The following ITPR3 variants were observed in gnomAD, a reference collection of about 807,000 sequenced individuals.
The protein encoded by ITPR3 is inositol 1,4,5-trisphosphate-gated calcium channel ITPR3.
ITPR3 carries 173 observed loss-of-function variants against 293.2 expected under a neutral mutation model. The ratio of observed to expected loss-of-function variants is 0.59; its 90% confidence interval spans 0.52 to 0.67. The LOEUF (loss-of-function observed/expected upper bound fraction) is 0.67. Ranked by LOEUF, ITPR3 falls within the 30% of genes least tolerant of loss-of-function variation. ITPR3 has a pLI of 0.00. For missense variants in ITPR3, 2,796 were observed against 3,592.1 expected (o/e 0.78, Z 5.66); for synonymous variants, 1,295 against 1,444.4 (o/e 0.90, Z 2.35).
Position 33,684,789 on chromosome 6 carries a change from G to T in ITPR3, c.5153G>T (p.Trp1718Leu). The T allele has an allele frequency of 1.9e-6, 3 of 1,612,260 alleles. No individual in the cohort carries two copies. Among genetic ancestry groups the T allele is most frequent in the Non-Finnish European group, 2.5e-6 (3 of 1,178,840 alleles). ...DPIGTGLDPD[W>L]SAIAATQCRL... The stretch of plus-strand genomic sequence containing the variant: ...CCGCCTCCAGGCCTGGACCCAGACT[G>T]GTCGGCAATCGCAGCCACCCAGTGC... The change falls in exon 39 of 58, where the codon TGG becomes TTG. Residue 1718 changes from tryptophan to leucine, a missense_variant. Around this residue, in one of 8 missense-constraint regions of ITPR3, gnomAD observed 704 missense variants for 797.5 expected, o/e 0.88. Transcript: ENST00000605930. The surrounding 1 kb of genome is among the most constrained non-coding windows in gnomAD (Gnocchi z 4.2).
Position 33,670,473 on chromosome 6 carries a change from C to T in ITPR3, c.2338C>T (p.Leu780=), listed in dbSNP as rs756001286. The change falls in exon 19 of 58, where the codon CTG becomes TTG. Residue 780 remains leucine, a synonymous_variant. Transcript: ENST00000605930. The surrounding 1 kb of genome is among the most constrained non-coding windows in gnomAD (Gnocchi z 6.7). ...TGACCTGCGCGCCTCCTTCTGCCAC[C>T]TGATGCTGCACGTGCACGTGGACCG... ...PFDLRASFCH[L]MLHVHVDRDP... is the part of the protein sequence containing the mutation. 3 of 1,614,024 alleles carry T rather than the reference C, an allele frequency of 1.9e-6. No individual in the cohort carries two copies. In the South Asian group the frequency reaches 3.3e-5, roughly 18 times the overall value.
At chr6:33,629,893 C>G (rs1362835963) in intron 1 of ITPR3, among the ~76,000 whole-genome samples, 1 of 151,870 alleles carries the variant, frequency 6.6e-6, no homozygotes, top group African/African-American at 2.4e-5. Context: ...GAGATCAAGA[C>G]CATCCTGGCC....
At chr6:33,631,748 G>A (rs1040475576) in intron 1 of ITPR3, among the ~76,000 whole-genome samples, 9 of 152,090 alleles carry the variant, frequency 5.9e-5, no homozygotes, top group Non-Finnish European at 1.0e-4. Context: ...ACTCCCTTTC[G>A]CGGTCTGCTA....
In ITPR3 at chr6:33,663,743, A is replaced by T; in HGVS notation, c.1011A>T (p.Ala337=). ...GATTTGGGGTCCTCATCCAGGGGGC[A>T]CAGGGCCGCACAGGCCGCAGGAATG... ...ASDPKAAGMG[A]QGRTGRRNAG... Residue 337 remains alanine, a synonymous_variant, in exon 11 of 58, where the codon GCA becomes GCT. Coordinates refer to ENST00000605930, the MANE Select transcript of ITPR3 (RefSeq NM_002224.4). 6.2e-7 allele frequency: 1 copy of T among 1,613,902 alleles called. No homozygotes were observed. The highest frequency in any genetic ancestry group is 8.5e-7 in the Non-Finnish European group (1 of 1,179,972).
At chr6:33,681,081 A>G (rs1765063557) in intron 33 of ITPR3, among the ~76,000 whole-genome samples, 1 of 152,182 alleles carries the variant, frequency 6.6e-6, no homozygotes, top group South Asian at 2.1e-4. Context: ...GGCTTCCCAA[A>G]GTGCTGGGAT....
intron 33 of ITPR3, 151 bp downstream of exon 33, chr6:33,680,831 T>C: frequency 1.9e-6 from 2 of 1,069,332 alleles, no homozygotes; most frequent in Non-Finnish European, 1.3e-6. Flanking sequence ...TTTTTTTTTT[T>C]TTTTTTTGAG....
At position 33,679,253 on chromosome 6, in the gene ITPR3, G is replaced by A. The variant is rs116785156; in HGVS notation, c.3972+414G>A. 4.3e-3 allele frequency among the ~76,000 whole-genome samples: 660 copies of A among 152,268 alleles called. 4 individuals carry two copies. The highest frequency in any genetic ancestry group is 0.015 in the African/African-American group (633 of 41,548). On this transcript the variant is annotated intron_variant, in intron 30 of 57. Transcript: ENST00000605930. This position sits in a 1 kb window ranked among gnomAD's most constrained non-coding sequence, Gnocchi z 4.2. The stretch of plus-strand genomic sequence containing the variant: ...CCCATCCTTTGTGTGCATCGCCAGG[G>A]CCCCAGTGTGTGGCGCATAGTAGGT...
At position 33,636,899 on chromosome 6, in the gene ITPR3, G is replaced by A. The variant is rs560320211; in HGVS notation, c.90-3585G>A. Among the ~76,000 whole-genome samples the A allele has an allele frequency of 1.6e-3, 237 of 152,230 alleles. 1 individual carries two copies. Among genetic ancestry groups the A allele is most frequent in the Non-Finnish European group, 3.0e-3 (202 of 68,028 alleles). On this transcript the variant is annotated intron_variant, in intron 1 of 57. Transcript: ENST00000605930. ...AGGTGCTGGAGGCCGGGAGAGAAAAGGAGACAGAGGACCCTCTGCCGTCCC... is the reference window on the plus strand; with the variant it reads ...AGGTGCTGGAGGCCGGGAGAGAAAAAGAGACAGAGGACCCTCTGCCGTCCC...
Position 33,672,920 on chromosome 6 carries a change from T to A in ITPR3, c.2929-671T>A, listed in dbSNP as rs1764807531. Among the ~76,000 whole-genome samples, 1 of 152,134 alleles carries A rather than the reference T, an allele frequency of 6.6e-6. No homozygotes were observed. Among genetic ancestry groups the A allele is most frequent in the Non-Finnish European group, 1.5e-5 (1 of 68,016 alleles). On this transcript the variant is annotated intron_variant, in intron 22 of 57. Transcript: ENST00000605930. This position sits in a 1 kb window ranked among gnomAD's most constrained non-coding sequence, Gnocchi z 5.0. ...GAAGGGGCTCATCCCCGAGGAGGGA[T>A]GAGGATGCTTGCTTTTGCCTTGCTG...
intron 18 of ITPR3, among the ~76,000 whole-genome samples, 196 bp downstream of exon 18, chr6:33,669,352 C>T (rs1474276944): frequency 6.6e-6 from 1 of 152,230 alleles, no homozygotes; most frequent in Non-Finnish European, 1.5e-5. Flanking sequence ...GGACTGTGTG[C>T]CCCGAATAGC....
chr6:33,663,375 C>A (rs527881660), intron 9 of ITPR3, 125 bp from the exon 10 acceptor site: 1 of 775,328 alleles, frequency 1.3e-6, no homozygotes, highest in Non-Finnish European at 2.1e-6. Flanking sequence ...ATATGGGCAC[C>A]CCTGGGAGGG....
chr6:33,661,225 T>A (rs1240781370), intron 7 of ITPR3, among the ~76,000 whole-genome samples: 1 of 152,244 alleles, frequency 6.6e-6, no homozygotes, highest in Admixed American at 6.5e-5. Flanking sequence ...AGGTGTTCAC[T>A]GAATGCTTTG....
chr6:33,651,993 G>T (rs79603343), intron 2 of ITPR3, among the ~76,000 whole-genome samples: 3,242 of 152,202 alleles, frequency 0.021, 117 homozygotes, highest in African/African-American at 0.071. Flanking sequence ...ACTAGGGTTC[G>T]AAGGGGCTGG....
In ITPR3 at chr6:33,678,852, C is replaced by CT; in HGVS notation, c.3972+14dup. On this transcript the variant is annotated intron_variant, in intron 30 of 57. Transcript: ENST00000605930. ...GATCATGACTGAGGTGAGGGCGGGG[C>CT]TGAGGGGTGCTCAGGCATCTTGGGG... 2 of 1,607,366 alleles carry CT rather than the reference C, an allele frequency of 1.2e-6. No individual in the cohort carries two copies. The highest frequency in any genetic ancestry group is 1.7e-6 in the Non-Finnish European group (2 of 1,176,878).
rs1561877473 is a variant in ITPR3, at chr6:33,683,164, G to C, written c.4598-43G>C. Reference sequence around the variant, plus strand: ...AGCCTGGCCTCTGGCTGGCTGAACTGCCCCCGCACCAGCACTCCAGCACTC... The same window carrying C: ...AGCCTGGCCTCTGGCTGGCTGAACTCCCCCCGCACCAGCACTCCAGCACTC... On this transcript the variant is annotated intron_variant, in intron 34 of 57. Transcript: ENST00000605930. The surrounding 1 kb of genome is among the most constrained non-coding windows in gnomAD (Gnocchi z 4.5). 1 of 1,425,534 alleles carries C rather than the reference G, an allele frequency of 7.0e-7. No individual in the cohort carries two copies. Among genetic ancestry groups the C allele is most frequent in the Non-Finnish European group, 9.4e-7 (1 of 1,068,984 alleles). The allele number at this position is 1,425,534 out of a possible 1,614,324, so 88.3% of individuals were successfully genotyped here.
In ITPR3 at chr6:33,682,216, T is replaced by C. The variant is rs772324338; in HGVS notation, c.4477-308T>C. Among the ~76,000 whole-genome samples the C allele has an allele frequency of 6.6e-6, 1 of 152,244 alleles. No homozygotes were observed. The highest frequency in any genetic ancestry group is 1.5e-5 in the Non-Finnish European group (1 of 68,044). On this transcript the variant is annotated intron_variant, in intron 33 of 57. Transcript: ENST00000605930. This position sits in a 1 kb window ranked among gnomAD's most constrained non-coding sequence, Gnocchi z 5.4. ...TATCTTTTAAATAACCTTTTGGTTT[T>C]TCAACCATGTAAATCCATCACCTTT... is the stretch of plus-strand genomic sequence containing the variant.
Position 33,671,196 on chromosome 6 carries a change from T to C in ITPR3, c.2618T>C (p.Phe873Ser), listed in dbSNP as rs776906641. ...AGCCTGGCGCACAATCTCATCTACT[T>C]CGGCTTCTACAGCTTCAGCGAGCTG... ...VVSLAHNLIY[F>S]GFYSFSELLR... Residue 873 changes from phenylalanine to serine, a missense_variant, in exon 21 of 58, where the codon TTC becomes TCC. Transcript: ENST00000605930. The C allele has an allele frequency of 3.7e-6, 6 of 1,613,480 alleles. No individual in the cohort carries two copies. The highest frequency in any genetic ancestry group is 5.1e-6 in the Non-Finnish European group (6 of 1,179,866).
At position 33,684,032 on chromosome 6, in the gene ITPR3, GC is replaced by G; in HGVS notation, c.4804del (p.Leu1602TrpfsTer5). ...IIEKLQDIIT[A>X]LEERLKPLVQ... ...CTGCCCACCCCAGGACATCATCACA[GC>G]CCTGGAGGAGCGGCTGAAGCCCCTG... On this transcript the variant is annotated frameshift_variant, in exon 36 of 58. Coordinates refer to ENST00000605930, the MANE Select transcript of ITPR3 (RefSeq NM_002224.4). LOFTEE classifies it high-confidence loss of function. This position sits in a 1 kb window ranked among gnomAD's most constrained non-coding sequence, Gnocchi z 4.2. 1 of 1,609,506 alleles carries G rather than the reference GC, an allele frequency of 6.2e-7. No homozygotes were observed. The highest frequency in any genetic ancestry group is 8.5e-7 in the Non-Finnish European group (1 of 1,179,108).
chr6:33,637,335 T>A lies in ITPR3; in HGVS notation c.90-3149T>A, dbSNP rs1369105250. 4.6e-5 allele frequency among the ~76,000 whole-genome samples: 7 copies of A among 152,258 alleles called. No individual in the cohort carries two copies. The East Asian group carries it at 1.2e-3, about 25-fold the overall frequency. ...AATTTGCTAGAATGGCTCACAGAAC[T>A]CAGAAAACAGCCAGATGGAAGAGAT... On this transcript the variant is annotated intron_variant, in intron 1 of 57. Transcript: ENST00000605930.
Sources: allele counts gnomAD v4.1 joint callset (sites outside exome capture counted in the v4.1 genomes callset), GRCh38; gene constraint gnomAD v4.1.1; regional missense constraint gnomAD v4.1.1; non-coding constraint Gnocchi (gnomAD v3.1); transcripts MANE v1.5; gene names NCBI Gene and HGNC (gene_info 2026-07-23, HGNC 2026-07-21).